Variants in B3GNT2 observed in about 807,000 individuals in gnomAD.
The protein encoded by B3GNT2 is UDP-GlcNAc:betaGal beta-1,3-N-acetylglucosaminyltransferase 2.
Under a neutral mutation model 27.6 loss-of-function variants are expected in B3GNT2, and 12 were observed. That is an observed-to-expected ratio of 0.44 (90% CI 0.28 to 0.71). B3GNT2 has a LOEUF of 0.71. B3GNT2 is among the 30% of genes least tolerant of loss of function. The pLI, the probability that B3GNT2 is intolerant of heterozygous loss-of-function variation, is 0.17. For synonymous variants in B3GNT2, 192 were observed against 189.7 expected, an observed-to-expected ratio of 1.01 and a Z score of -0.10; for missense variants, 413 against 488.5, an observed-to-expected ratio of 0.85 and a Z score of 1.46.
At chr2:62,211,373 A>C (rs1223442210) in intron 1 of B3GNT2, among the ~76,000 whole-genome samples, 1 of 152,060 alleles carries the variant, frequency 6.6e-6, no homozygotes, top group African/African-American at 2.4e-5. Context: ...CCCCCCAAAA[A>C]AATTTGATAA....
At position 62,222,906 on chromosome 2, in the gene B3GNT2, G is replaced by C. The variant is rs1427255254; in HGVS notation, c.686G>C (p.Arg229Thr). The C allele has an allele frequency of 1.9e-6, 3 of 1,614,096 alleles. No homozygotes were observed. Among genetic ancestry groups the C allele is most frequent in the African/African-American group, 1.3e-5 (1 of 74,928 alleles). Reference protein sequence around the residue: ...NLSLKEVLFLRWVSTSCPDTE... With the variant: ...NLSLKEVLFLTWVSTSCPDTE... ...TCTCTGAAGGAAGTGCTGTTTCTCA[G>C]GTGGGTAAGTACTTCCTGCCCAGAC... Residue 229 changes from arginine (R) to threonine (T), a missense_variant, in exon 2 of 2, where the codon AGG (arginine) becomes ACG (threonine). By Grantham distance (71) the Arg-to-Thr change is moderately conservative. Transcript: ENST00000301998. This position sits in a 1 kb window ranked among gnomAD's most constrained non-coding sequence, Gnocchi z 4.2.
Position 62,222,717 on chromosome 2 carries a change from G to T in B3GNT2, c.497G>T (p.Gly166Val). ...AGGCAAGCAATCCGGGAATCCTGGG[G>T]CCAAGAAAGCAACGCAGGGAACCAA... ...ARRQAIRESW[G>V]QESNAGNQTV... Residue 166 changes from glycine (G) to valine (V), a missense_variant, in exon 2 of 2, where the codon GGC becomes GTC. Physicochemically the swap from Gly to Val is moderately radical, Grantham distance 109. Coordinates refer to ENST00000301998, the MANE Select transcript of B3GNT2 (RefSeq NM_006577.6). This position sits in a 1 kb window ranked among gnomAD's most constrained non-coding sequence, Gnocchi z 4.2. 2.5e-6 allele frequency: 4 copies of T among 1,614,210 alleles called. No individual in the cohort carries two copies. The South Asian group carries it at 4.4e-5, about 18-fold the overall frequency.
At chr2:62,208,026 C>T (rs1389756329) in intron 1 of B3GNT2, among the ~76,000 whole-genome samples, 7 of 152,078 alleles carry the variant, frequency 4.6e-5, no homozygotes, top group Admixed American at 4.6e-4. Flanking sequence ...GAAAGTCGAT[C>T]TTATGAGTTT....
At chr2:62,196,930 C>A (rs1447786330) in intron 1 of B3GNT2, among the ~76,000 whole-genome samples, 1 of 152,108 alleles carries the variant, frequency 6.6e-6, no homozygotes, top group Non-Finnish European at 1.5e-5. Flanking sequence ...CCGCCGGCAG[C>A]CGCTCCCCAC....
intron 1 of B3GNT2, among the ~76,000 whole-genome samples, chr2:62,199,664 A>G (rs1674223009): frequency 1.3e-5 from 2 of 152,260 alleles, no homozygotes; most frequent in Admixed American, 1.3e-4. Flanking sequence ...ACAGAAGGTT[A>G]AAACATGAAT....
intron 1 of B3GNT2, among the ~76,000 whole-genome samples, chr2:62,218,620 A>C (rs535983197): frequency 6.6e-6 from 1 of 152,352 alleles, no homozygotes; most frequent in South Asian, 2.1e-4. Flanking sequence ...GTTGAGCCTC[A>C]TAGAAAAAAG....
At chr2:62,216,513 C>T (rs891271188) in intron 1 of B3GNT2, among the ~76,000 whole-genome samples, 1 of 151,986 alleles carries the variant, frequency 6.6e-6, no homozygotes, top group Non-Finnish European at 1.5e-5. Flanking sequence ...TCAAGCAGCC[C>T]TCCCACCTCA....
At chr2:62,204,098 C>T (rs947680974) in intron 1 of B3GNT2, among the ~76,000 whole-genome samples, 2 of 152,188 alleles carry the variant, frequency 1.3e-5, no homozygotes, top group Non-Finnish European at 2.9e-5. Context: ...ATGACCTTGG[C>T]TCACTGCAAC....
intron 1 of B3GNT2, among the ~76,000 whole-genome samples, chr2:62,217,492 T>A (rs1184551403): frequency 6.6e-6 from 1 of 152,250 alleles, no homozygotes; most frequent in Non-Finnish European, 1.5e-5. Context: ...CATGTTTCAC[T>A]ATTACATGTA....
In B3GNT2 at chr2:62,222,471, C is replaced by T. The variant is rs139589693; in HGVS notation, c.251C>T (p.Ala84Val). The change falls in exon 2 of 2, where the codon GCG becomes GTG. Residue 84 changes from alanine to valine, a missense_variant. By Grantham distance (64) the Ala-to-Val change is moderately conservative. Coordinates refer to ENST00000301998, the MANE Select transcript of B3GNT2 (RefSeq NM_006577.6). This position sits in a 1 kb window ranked among gnomAD's most constrained non-coding sequence, Gnocchi z 4.2. Reference protein sequence around the residue: ...LSMLTNQTGEAGRLSNISHLN... With the variant: ...LSMLTNQTGEVGRLSNISHLN... ...ATGCTGACCAACCAGACGGGGGAGG[C>T]GGGCAGGCTCTCCAATATAAGCCAT... 13 of 1,614,104 alleles carry T rather than the reference C, an allele frequency of 8.1e-6. No homozygotes were observed. Among genetic ancestry groups the T allele is most frequent in the South Asian group, 5.5e-5 (5 of 91,074 alleles).
At chr2:62,207,347 G>A (rs1674395920) in intron 1 of B3GNT2, among the ~76,000 whole-genome samples, 1 of 152,080 alleles carries the variant, frequency 6.6e-6, no homozygotes, top group South Asian at 2.1e-4. Flanking sequence ...ACCATGCCCA[G>A]CTAATTTTTG....
rs763462600 is a variant in B3GNT2 at position 62,222,484 on chromosome 2, C to T, written c.264C>T (p.Ser88=). 28 of 1,613,990 alleles carry T rather than the reference C, an allele frequency of 1.7e-5. No homozygotes were observed. In the South Asian group the frequency reaches 1.9e-4, roughly 11 times the overall value. ...AGACGGGGGAGGCGGGCAGGCTCTCCAATATAAGCCATCTGAACTACTGCG... is the reference window on the plus strand; with the variant it reads ...AGACGGGGGAGGCGGGCAGGCTCTCTAATATAAGCCATCTGAACTACTGCG... ...TNQTGEAGRL[S]NISHLNYCEP... The change falls in exon 2 of 2, where the codon TCC becomes TCT. Residue 88 remains serine, a synonymous_variant. Coordinates refer to ENST00000301998, the MANE Select transcript of B3GNT2 (RefSeq NM_006577.6). This position sits in a 1 kb window ranked among gnomAD's most constrained non-coding sequence, Gnocchi z 4.2.
chr2:62,223,317 TCTG>T lies in B3GNT2; in HGVS notation c.1100_1102del (p.Cys367del). On this transcript the variant is annotated inframe_deletion, in exon 2 of 2. Transcript: ENST00000301998. ...ATCGAGGAGAAAAACAAAAATAACA[TCTG>T]CTCCTATGTAGATCTGATGTTAGTA... 1 of 1,614,176 alleles carries T rather than the reference TCTG, an allele frequency of 6.2e-7. No individual in the cohort carries two copies. Among genetic ancestry groups the T allele is most frequent in the Non-Finnish European group, 8.5e-7 (1 of 1,180,002 alleles).
chr2:62,221,244 C>T (rs1057362227), intron 1 of B3GNT2, among the ~76,000 whole-genome samples: 19 of 152,226 alleles, frequency 1.2e-4, no homozygotes, highest in African/African-American at 4.3e-4. Context: ...ACAATAGTTT[C>T]CCTTTCTATT....
At chr2:62,210,791 G>A (rs1674468380) in intron 1 of B3GNT2, among the ~76,000 whole-genome samples, 1 of 151,866 alleles carries the variant, frequency 6.6e-6, no homozygotes, top group African/African-American at 2.4e-5. Context: ...AATAATAATA[G>A]GAGTACAGTA....
intron 1 of B3GNT2, among the ~76,000 whole-genome samples, chr2:62,202,354 A>G (rs965177080): frequency 1.3e-5 from 2 of 152,232 alleles, no homozygotes; most frequent in African/African-American, 2.4e-5. Context: ...GAAGTGCTCA[A>G]GGGATTGTAG....
Position 62,224,520 on chromosome 2 carries a change from CAT to C in B3GNT2, c.*1109_*1110del, listed in dbSNP as rs1320636425. 1.0e-4 allele frequency: 17 copies of C among 166,952 alleles called. No homozygotes were observed. In the Admixed American group the frequency reaches 1.1e-3, roughly 11 times the overall value. The allele number at this position is 166,952 out of a possible 1,614,324, so 10.3% of individuals were successfully genotyped here. A position where few individuals can be genotyped will look rare whatever the true frequency, so the allele number is the denominator to read the frequency against. ...TGATATTTTAAATGTTAAGGTGTAA[CAT>C]ATGTTAAATAAAACTGTTATTTTTG... On this transcript the variant is annotated 3_prime_UTR_variant, in exon 2 of 2. Coordinates refer to ENST00000301998, the MANE Select transcript of B3GNT2 (RefSeq NM_006577.6).
intron 1 of B3GNT2, among the ~76,000 whole-genome samples, chr2:62,198,753 C>T (rs1199276089): frequency 6.6e-6 from 1 of 151,954 alleles, no homozygotes; most frequent in Non-Finnish European, 1.5e-5. Flanking sequence ...GAAAGTAGAA[C>T]TGATAATTCA....
At chr2:62,217,393 T>C (rs1674596982) in intron 1 of B3GNT2, among the ~76,000 whole-genome samples, 2 of 152,216 alleles carry the variant, frequency 1.3e-5, no homozygotes, top group South Asian at 4.1e-4. Context: ...CCCTACCCTG[T>C]GCCTCAGCGA....
Sources: gnomAD v4.1 joint callset for allele counts (sites outside exome capture counted in the v4.1 genomes callset) on GRCh38, gnomAD v4.1.1 for gene constraint, Gnocchi (gnomAD v3.1) non-coding constraint, MANE v1.5 for transcripts, NCBI Gene and HGNC (gene_info 2026-07-23, HGNC 2026-07-21) for gene names.